Variants in CLTA observed in about 807,000 individuals in gnomAD.
CLTA encodes clathrin, light polypeptide (Lca).
CLTA carries 9 observed loss-of-function variants against 26.9 expected under a neutral mutation model. That is an observed-to-expected ratio of 0.33 (90% confidence interval 0.20 to 0.58). CLTA has a LOEUF of 0.58. CLTA is among the 20% of genes least tolerant of loss of function. The probability of loss-of-function intolerance (pLI) is 0.85; values close to 1 mark genes in which losing one functional copy is unlikely to be tolerated. For synonymous variants in CLTA, 120 were observed against 115.5 expected (o/e 1.04, Z -0.25); for missense variants, 278 against 294.2 (o/e 0.94, Z 0.40).
chr9:36,190,995 G>T lies in CLTA; in HGVS notation c.-62G>T, dbSNP rs1038554571. 2.7e-6 allele frequency: 4 copies of T among 1,468,070 alleles called. No individual in the cohort carries two copies. Among genetic ancestry groups the T allele is most frequent in the African/African-American group, 2.9e-5 (2 of 68,214 alleles). The allele number at this position is 1,468,070 out of a possible 1,614,324, so 90.9% of individuals were successfully genotyped here. A position where few individuals can be genotyped will look rare whatever the true frequency, so the allele number is the denominator to read the frequency against. The stretch of plus-strand genomic sequence containing the variant: ...ACCACAGCGGTGGCTGCCGGGCGTG[G>T]TGTCGGTGGGTCGGTTGGTTTTTGT... On this transcript the variant is annotated 5_prime_UTR_variant, in exon 1 of 5. Coordinates refer to ENST00000345519, the MANE Select transcript of CLTA (RefSeq NM_001833.4).
chr9:36,190,939 T>C lies in CLTA; in HGVS notation c.-118T>C. The C allele has an allele frequency of 7.0e-7, 1 of 1,421,940 alleles. No individual in the cohort carries two copies. The highest frequency in any genetic ancestry group is 9.1e-7 in the Non-Finnish European group (1 of 1,094,996). The allele number at this position is 1,421,940 out of a possible 1,614,324, so 88.1% of individuals were successfully genotyped here. On this transcript the variant is annotated 5_prime_UTR_variant, in exon 1 of 5. Coordinates refer to ENST00000345519, the MANE Select transcript of CLTA (RefSeq NM_001833.4). ...AGGGCTTCCGCTTTACCCGTCTCCC[T>C]CCTGGCGCTTGTCCTCCTCTCCCAG... is the stretch of plus-strand genomic sequence containing the variant.
At position 36,207,819 on chromosome 9, in the gene CLTA, A is replaced by G. The variant is rs1409557682; in HGVS notation, c.485+3640A>G. On this transcript the variant is annotated intron_variant, in intron 4 of 4. Coordinates refer to ENST00000345519, the MANE Select transcript of CLTA (RefSeq NM_001833.4). The stretch of plus-strand genomic sequence containing the variant: ...AAACCTCTACTCTTCTTGTGGAGGG[A>G]AACCCAAGTTGAAATCGATCAGGTT... Among the ~76,000 whole-genome samples the G allele has an allele frequency of 3.3e-5, 5 of 152,192 alleles. No individual in the cohort carries two copies. The East Asian group carries it at 9.6e-4, about 29-fold the overall frequency.
chr9:36,196,612 G>A (rs531779723), intron 1 of CLTA, among the ~76,000 whole-genome samples: 22 of 152,172 alleles, frequency 1.4e-4, no homozygotes, highest in African/African-American at 4.8e-4. Flanking sequence ...GCCTCTCAAA[G>A]TGCTGGGATT....
In CLTA at chr9:36,198,922, T is replaced by C. The variant is rs1037576437; in HGVS notation, c.256-57T>C. ...ACCAGGGGTTCTAACTCAGGTGAAG[T>C]GCATTTTAGGAAGGAATTTTTGGTA... On this transcript the variant is annotated intron_variant, in intron 2 of 4. Coordinates refer to ENST00000345519, the MANE Select transcript of CLTA (RefSeq NM_001833.4). The C allele has an allele frequency of 1.8e-5, 20 of 1,118,634 alleles. No individual in the cohort carries two copies. The East Asian group carries it at 4.8e-4, about 27-fold the overall frequency. The allele number at this position is 1,118,634 out of a possible 1,614,324, so 69.3% of individuals were successfully genotyped here.
intron 1 of CLTA, among the ~76,000 whole-genome samples, chr9:36,191,731 G>A (rs572572093): frequency 2.0e-5 from 3 of 152,210 alleles, no homozygotes; most frequent in African/African-American, 4.8e-5. Context: ...AACAAAAGTA[G>A]CAATGCAGTT....
At chr9:36,204,018 G>A (rs1025300471) in intron 3 of CLTA, 50 bp from the exon 4 acceptor site, 7 of 1,608,924 alleles carry the variant, frequency 4.4e-6, no homozygotes, top group Non-Finnish European at 5.9e-6. Context: ...ATGAACTTCA[G>A]TTTGCACTTT....
At chr9:36,210,903 G>T (rs956359456) in intron 4 of CLTA, among the ~76,000 whole-genome samples, 1 of 152,214 alleles carries the variant, frequency 6.6e-6, no homozygotes, top group African/African-American at 2.4e-5. Context: ...ATTCCGAACT[G>T]GGGGTGGGCT....
At chr9:36,210,202 C>G (rs1355618975) in intron 4 of CLTA, among the ~76,000 whole-genome samples, 3 of 151,688 alleles carry the variant, frequency 2.0e-5, no homozygotes, top group Non-Finnish European at 4.4e-5. Flanking sequence ...TTAGGGCTGG[C>G]TTTACATGAG....
Position 36,211,871 on chromosome 9 carries a change from A to G in CLTA, c.*97A>G. ...GATTAATTATGTTGAGTTCTTTTGG[A>G]CCAAACCTTTTTGTCTTTAGAGTTG... On this transcript the variant is annotated 3_prime_UTR_variant, in exon 5 of 5. Coordinates refer to ENST00000345519, the MANE Select transcript of CLTA (RefSeq NM_001833.4). 2 of 1,063,744 alleles carry G rather than the reference A, an allele frequency of 1.9e-6. No individual in the cohort carries two copies. The highest frequency in any genetic ancestry group is 1.5e-5 in the South Asian group (1 of 65,398). The allele number at this position is 1,063,744 out of a possible 1,614,324, so 65.9% of individuals were successfully genotyped here. A position where few individuals can be genotyped will look rare whatever the true frequency, so the allele number is the denominator to read the frequency against.
At chr9:36,197,096 GC>G (rs1258519206) in intron 1 of CLTA, among the ~76,000 whole-genome samples, 7 of 152,204 alleles carry the variant, frequency 4.6e-5, no homozygotes, top group Non-Finnish European at 8.8e-5. Flanking sequence ...GTTCGCTTGA[GC>G]CCAAAAGGTC....
In CLTA at chr9:36,198,277, C is replaced by T. The variant is rs894680831; in HGVS notation, c.255+689C>T. ...CCTCCCAAAGTGCTGGGATTACAGG[C>T]GTGAGCCACCGCACCCCGCCAGAGC... On this transcript the variant is annotated intron_variant, in intron 2 of 4. Transcript: ENST00000345519. Among the ~76,000 whole-genome samples the T allele has an allele frequency of 5.9e-5, 9 of 152,004 alleles. No individual in the cohort carries two copies. The South Asian group carries it at 6.2e-4, about 11-fold the overall frequency.
At chr9:36,204,262 T>G (rs1451854235) in intron 4 of CLTA, 83 bp downstream of exon 4, 1 of 1,443,206 alleles carries the variant, frequency 6.9e-7, no homozygotes, top group African/African-American at 1.4e-5. Flanking sequence ...GGTTTTTGGC[T>G]TCTGCCTCCT....
intron 4 of CLTA, chr9:36,210,502 C>A (rs1827979282): frequency 6.6e-7 from 1 of 1,524,452 alleles, no homozygotes; most frequent in Non-Finnish European, 8.9e-7. Flanking sequence ...GCTGCACGTC[C>A]CCAAGCACAG....
intron 4 of CLTA, among the ~76,000 whole-genome samples, chr9:36,207,683 A>G (rs1255157009): frequency 6.6e-6 from 1 of 152,152 alleles, no homozygotes; most frequent in Non-Finnish European, 1.5e-5. Flanking sequence ...CAACCTTGAC[A>G]GGGGATGTGC....
At chr9:36,201,984 G>A (rs1047977157) in intron 3 of CLTA, among the ~76,000 whole-genome samples, 5 of 152,028 alleles carry the variant, frequency 3.3e-5, no homozygotes, top group Non-Finnish European at 5.9e-5. Flanking sequence ...TGTGGTGCAC[G>A]CTTGTGGTCC....
Position 36,191,154 on chromosome 9 carries a change from C to T in CLTA, c.98C>T (p.Ala33Val). ...GGCGCCGGCGAAGAAGACCCGGCTG[C>T]GGCCTTCTTGGCGCAGCAAGAGAGC... ...VAGAGEEDPA[A>V]AFLAQQESEI... The change falls in exon 1 of 5, where the codon GCG becomes GTG. Residue 33 changes from alanine (A) to valine (V), a missense_variant. Physicochemically the swap from Ala to Val is moderately conservative, Grantham distance 64 (BLOSUM62 0). Coordinates refer to ENST00000345519, the MANE Select transcript of CLTA (RefSeq NM_001833.4). 1 of 1,598,532 alleles carries T rather than the reference C, an allele frequency of 6.3e-7. No individual in the cohort carries two copies. The highest frequency in any genetic ancestry group is 8.5e-7 in the Non-Finnish European group (1 of 1,174,962).
chr9:36,197,969 T>C (rs1321132512), intron 2 of CLTA, among the ~76,000 whole-genome samples: 1 of 151,830 alleles, frequency 6.6e-6, no homozygotes, highest in Non-Finnish European at 1.5e-5. Context: ...TATGGAATAA[T>C]TTTGTAAAGA....
rs569628041 is a variant in CLTA at position 36,210,690 on chromosome 9, CTG to C, written c.486-906_486-905del. The C allele has an allele frequency of 7.9e-4, 1,280 of 1,613,836 alleles. 4 individuals are homozygous for C. Among genetic ancestry groups the C allele is most frequent in the Middle Eastern group, 4.6e-3 (28 of 6,062 alleles). ...AGTAAACCTTTCTCACTGCCCCTAA[CTG>C]TGTGTGCCATGAAGTCGCAGTGTTG... On this transcript the variant is annotated intron_variant, in intron 4 of 4. Transcript: ENST00000345519.
Position 36,199,069 on chromosome 9 carries a change from G to C in CLTA, c.346G>C (p.Glu116Gln), listed in dbSNP as rs1587218814. 1.4e-5 allele frequency: 22 copies of C among 1,613,264 alleles called. No individual in the cohort carries two copies. In the East Asian group the frequency reaches 4.7e-4, roughly 34 times the overall value. The change falls in exon 3 of 5, where the codon GAA becomes CAA. Residue 116 changes from glutamate (E) to glutamine (Q), a missense_variant. Physicochemically the swap from Glu to Gln is conservative, Grantham distance 29. Transcript: ENST00000345519. Reference sequence around the variant, plus strand: ...TGAAAGTATCCGTAAATGGAGAGAAGAACAAATGGAACGCTTGGAAGCCCT... The same window carrying C: ...TGAAAGTATCCGTAAATGGAGAGAACAACAAATGGAACGCTTGGAAGCCCT... ...EPESIRKWRE[E>Q]QMERLEALDA... is the part of the protein sequence containing the mutation.
Sources: allele counts gnomAD v4.1 joint callset (sites outside exome capture counted in the v4.1 genomes callset), GRCh38; gene constraint gnomAD v4.1.1; transcripts MANE v1.5; gene names NCBI Gene and HGNC (gene_info 2026-07-23, HGNC 2026-07-21).